The following SESN1 variants were observed in gnomAD, a reference collection of about 807,000 sequenced individuals.
SESN1 encodes the protein sestrin-1.
Under a neutral mutation model 59.3 loss-of-function variants are expected in SESN1, and 30 were observed. The ratio of observed to expected loss-of-function variants is 0.51; its 90% CI spans 0.38 to 0.69. The LOEUF (loss-of-function observed/expected upper bound fraction) is 0.69, where lower values mean the gene tolerates loss of function less well. Ranked by LOEUF, SESN1 falls within the 30% of genes least tolerant of loss-of-function variation. SESN1 has a pLI of 0.00. For synonymous variants in SESN1, 197 were observed against 219.9 expected, an observed-to-expected ratio of 0.90 and a Z score of 0.92; for missense variants, 566 against 673.0, an observed-to-expected ratio of 0.84 and a Z score of 1.76.
At chr6:108,994,640 T>C (rs1779465549) in intron 5 of SESN1, 31 bp from the exon 6 acceptor site, 1 of 1,569,500 alleles carries the variant, frequency 6.4e-7, no homozygotes, top group Non-Finnish European at 8.7e-7. Context: ...ATGTTACATG[T>C]GGCAGACATA....
At chr6:109,032,549 C>T (rs1335882933) in intron 1 of SESN1, among the ~76,000 whole-genome samples, 2 of 148,228 alleles carry the variant, frequency 1.3e-5, no homozygotes, top group African/African-American at 2.6e-5. Context: ...ACCCAGGAGG[C>T]GGAGGTTGCA....
In SESN1 at chr6:108,992,805, A is replaced by G; in HGVS notation, c.1215T>C (p.Val405=). 2 of 1,611,170 alleles carry G rather than the reference A, an allele frequency of 1.2e-6. No homozygotes were observed. The highest frequency in any genetic ancestry group is 1.3e-5 in the African/African-American group (1 of 75,002). ...YKDFSRHGMH[V]PTFRVQDYCW... ...ATTTTACCTGGACACGAAATGTTGG[A>G]ACATGCATCCCATGTCTAGAGAAAT... The change falls in exon 7 of 10, where the codon GTT becomes GTC. Residue 405 remains valine (V), a synonymous_variant. Transcript: ENST00000436639.
intron 7 of SESN1, among the ~76,000 whole-genome samples, chr6:108,992,322 G>T (rs1055257549): frequency 1.3e-5 from 2 of 151,748 alleles, no homozygotes; most frequent in Admixed American, 6.6e-5. Flanking sequence ...CCCCTTGTTG[G>T]CCAGGCTGGT....
chr6:109,001,508 C>T lies in SESN1; in HGVS notation c.346-20G>A. The T allele has an allele frequency of 6.2e-7, 1 of 1,604,660 alleles. No individual in the cohort carries two copies. Among genetic ancestry groups the T allele is most frequent in the Non-Finnish European group, 8.5e-7 (1 of 1,173,018 alleles). On this transcript the variant is annotated intron_variant, in intron 2 of 9. Transcript: ENST00000436639. ...GAGGATCTGTATAAATGAGAAAAAC[C>T]ATGGTTACTGAAATGGTAAATTGGT...
chr6:109,071,279 A>C (rs1281888762), intron 1 of SESN1, among the ~76,000 whole-genome samples: 1 of 152,102 alleles, frequency 6.6e-6, no homozygotes, highest in Non-Finnish European at 1.5e-5. Context: ...AAAATAAATC[A>C]AGATAAGGAT....
At chr6:109,070,886 G>A (rs1456613862) in intron 1 of SESN1, among the ~76,000 whole-genome samples, 1 of 152,206 alleles carries the variant, frequency 6.6e-6, no homozygotes, top group African/African-American at 2.4e-5. Context: ...TGATACTGAT[G>A]CTGCTGACCC....
intron 1 of SESN1, among the ~76,000 whole-genome samples, chr6:109,090,959 A>G (rs916942907): frequency 8.6e-5 from 13 of 151,970 alleles, no homozygotes; most frequent in African/African-American, 3.1e-4. Flanking sequence ...GACTTTTTGT[A>G]GAGATGGGTC....
chr6:109,009,632 C>T (rs1583270814), intron 1 of SESN1: 5 of 938,690 alleles, frequency 5.3e-6, no homozygotes, highest in Non-Finnish European at 6.5e-6. Flanking sequence ...CTGGCGGCCA[C>T]GCAAGCCAAT....
At position 108,993,866 on chromosome 6, in the gene SESN1, T is replaced by G. The variant is rs552618590; in HGVS notation, c.1120+596A>C. On this transcript the variant is annotated intron_variant, in intron 6 of 9. Transcript: ENST00000436639. ...AGTAGCCGGTACTACAGGTACAAAC[T>G]GCCGTGCCCAAAAAAATCACAGAAT... Among the ~76,000 whole-genome samples, 6 of 152,112 alleles carry G rather than the reference T, an allele frequency of 3.9e-5. No individual in the cohort carries two copies. The South Asian group carries it at 1.2e-3, about 32-fold the overall frequency.
intron 1 of SESN1, among the ~76,000 whole-genome samples, chr6:109,061,266 C>A (rs1418708870): frequency 6.6e-6 from 1 of 151,976 alleles, no homozygotes; most frequent in African/African-American, 2.4e-5. Flanking sequence ...AAATAATAGA[C>A]AGGCATGCGA....
In SESN1 at chr6:108,993,766, C is replaced by T. The variant is rs537390333; in HGVS notation, c.1120+696G>A. On this transcript the variant is annotated intron_variant, in intron 6 of 9. Coordinates refer to ENST00000436639, the MANE Select transcript of SESN1 (RefSeq NM_014454.3). ...ATTTTTGTTGTTGTTTTTTTAGAGA[C>T]AGGAGTCTTGCTATGTTGCCCCAAC... Among the ~76,000 whole-genome samples, 5 of 151,946 alleles carry T rather than the reference C, an allele frequency of 3.3e-5. No individual in the cohort carries two copies. In the East Asian group the frequency reaches 9.7e-4, roughly 29 times the overall value.
At chr6:109,077,794 TG>T (rs1479284697) in intron 1 of SESN1, among the ~76,000 whole-genome samples, 1 of 152,216 alleles carries the variant, frequency 6.6e-6, no homozygotes, top group Non-Finnish European at 1.5e-5. Context: ...TTCTTTTGTT[TG>T]GGAAAGATCT....
At chr6:109,041,847 A>G (rs1780348557) in intron 1 of SESN1, among the ~76,000 whole-genome samples, 1 of 152,196 alleles carries the variant, frequency 6.6e-6, no homozygotes, top group Non-Finnish European at 1.5e-5. Context: ...ATAAACCAAC[A>G]GGATGTAATC....
chr6:109,046,638 G>A (rs1780444642), intron 1 of SESN1, among the ~76,000 whole-genome samples: 1 of 139,876 alleles, frequency 7.1e-6, no homozygotes, highest in African/African-American at 2.6e-5. Context: ...AGGAAGTGAG[G>A]AGCGCCTCTT....
At chr6:109,088,657 G>C (rs1781259451) in intron 1 of SESN1, among the ~76,000 whole-genome samples, 2 of 152,102 alleles carry the variant, frequency 1.3e-5, no homozygotes, top group Non-Finnish European at 2.9e-5. Flanking sequence ...AAAAGTACTT[G>C]GCTATTCTGG....
rs1038492680 is a variant in SESN1 at position 109,063,645 on chromosome 6, T to C, written c.279+30150A>G. 2.0e-5 allele frequency among the ~76,000 whole-genome samples: 3 copies of C among 152,204 alleles called. No individual in the cohort carries two copies. In the East Asian group the frequency reaches 5.8e-4, roughly 29 times the overall value. ...CTGCTGTTTCCCCTTTGCATTTTCC[T>C]ATGTACCCTTGCTGATCCTTTTGCT... On this transcript the variant is annotated intron_variant, in intron 1 of 9. Transcript: ENST00000436639.
At chr6:108,991,093 T>A (rs781478108) in intron 7 of SESN1, among the ~76,000 whole-genome samples, 1 of 149,480 alleles carries the variant, frequency 6.7e-6, no homozygotes, top group African/African-American at 2.5e-5. Context: ...AAAAAAAAAC[T>A]AATAGTCTCT....
At chr6:109,014,617 GT>G (rs1269855773) in intron 1 of SESN1, among the ~76,000 whole-genome samples, 5 of 152,128 alleles carry the variant, frequency 3.3e-5, no homozygotes, top group African/African-American at 9.7e-5. Context: ...CTCAGGGTGA[GT>G]TTTTTTGTTT....
At chr6:109,008,937 T>C in intron 1 of SESN1, 1 of 990,876 alleles carries the variant, frequency 1.0e-6, no homozygotes, top group South Asian at 4.7e-5. Flanking sequence ...GGCTAAATAA[T>C]CTGTTTTCAC....
Sources: gnomAD v4.1 joint callset for allele counts (sites outside exome capture counted in the v4.1 genomes callset) on GRCh38, gnomAD v4.1.1 for gene constraint, MANE v1.5 for transcripts, NCBI Gene and HGNC (gene_info 2026-07-23, HGNC 2026-07-21) for gene names.